Variants in PPP2R2B observed in about 807,000 individuals in gnomAD.
PPP2R2B encodes the protein serine/threonine-protein phosphatase 2A 55 kDa regulatory subunit B beta isoform.
A neutral mutation model predicts 46.0 loss-of-function variants in PPP2R2B; 5 were observed. The ratio of observed to expected loss-of-function variants is 0.11; its 90% confidence interval spans 0.06 to 0.23. PPP2R2B has a LOEUF of 0.23. PPP2R2B is among the 10% of genes least tolerant of loss of function. The pLI, the probability that PPP2R2B is intolerant of heterozygous loss-of-function variation, is 1.00. For missense variants in PPP2R2B, 367 were observed against 575.0 expected, an observed-to-expected ratio of 0.64 and a Z score of 3.70; for synonymous variants, 215 against 206.7, an observed-to-expected ratio of 1.04 and a Z score of -0.34.
chr5:147,073,006 T>C (rs6885877), intron 2 of PPP2R2B, among the ~76,000 whole-genome samples: 7,425 of 152,256 alleles, frequency 0.049, 320 homozygotes, highest in African/African-American at 0.11. Flanking sequence ...ACAATCACAC[T>C]GGATTGTCAT....
chr5:146,802,398 T>A (rs1188381258), intron 2 of PPP2R2B, among the ~76,000 whole-genome samples: 2 of 152,202 alleles, frequency 1.3e-5, no homozygotes, highest in African/African-American at 2.4e-5. Context: ...TTTGGAAATT[T>A]GAGTGCATAT....
chr5:146,772,383 CATAT>C (rs33981708), intron 2 of PPP2R2B, among the ~76,000 whole-genome samples: 639 of 132,816 alleles, frequency 4.8e-3, no homozygotes, highest in African/African-American at 5.9e-3. Flanking sequence ...ATAACTTGTG[CATAT>C]ATATATATAT....
Position 146,878,547 on chromosome 5 carries a change from C to G in PPP2R2B, c.-125+44G>C, listed in dbSNP as rs1057279871. ...GCGACAAAATGGTGCCTTTCTGGAC[C>G]CGAGCTGCAGTGGCGAGATGGCAGG... On this transcript the variant is annotated intron_variant, in intron 1 of 9. Coordinates refer to ENST00000394411, the MANE Select transcript of PPP2R2B (RefSeq NM_181675.4). This position sits in a 1 kb window ranked among gnomAD's most constrained non-coding sequence, Gnocchi z 4.5. 1 of 1,259,290 alleles carries G rather than the reference C, an allele frequency of 7.9e-7. No homozygotes were observed. Among genetic ancestry groups the G allele is most frequent in the Non-Finnish European group, 1.0e-6 (1 of 983,834 alleles). 78.0% of individuals were successfully genotyped at this position (1,259,290 alleles called of 1,614,324 possible). A position where few individuals can be genotyped will look rare whatever the true frequency, so the allele number is the denominator to read the frequency against.
intron 1 of PPP2R2B, among the ~76,000 whole-genome samples, chr5:147,047,843 C>G (rs957192605): frequency 6.6e-6 from 1 of 152,122 alleles, no homozygotes; most frequent in Non-Finnish European, 1.5e-5. Flanking sequence ...ACTTTTCTGC[C>G]AGATATCAGA....
In PPP2R2B at chr5:146,884,910, A is replaced by G. The variant is rs547398489; in HGVS notation, c.79+170755T>C. Among the ~76,000 whole-genome samples, 26 of 152,334 alleles carry G rather than the reference A, an allele frequency of 1.7e-4. No individual in the cohort carries two copies. In the South Asian group the frequency reaches 5.2e-3, roughly 30 times the overall value. ...CAAACCTTTAAAAAATATACCAAGA[A>G]ATACCACTTTACAGAATTTATTCTA... On this transcript the variant is annotated intron_variant, in intron 1 of 8. Coordinates refer to the PPP2R2B transcript ENST00000336640.
chr5:146,617,050 A>G (rs1281186493), intron 7 of PPP2R2B: 2 of 152,254 alleles, frequency 1.3e-5, no homozygotes, highest in African/African-American at 4.8e-5. Flanking sequence ...ATGAAAAAGA[A>G]TGAGATCCTG....
At chr5:147,064,139 T>C (rs1161040747) in intron 2 of PPP2R2B, among the ~76,000 whole-genome samples, 1 of 152,362 alleles carries the variant, frequency 6.6e-6, no homozygotes, top group African/African-American at 2.4e-5. Flanking sequence ...TCAAACTTCA[T>C]GCCTTTAAAC....
chr5:146,665,225 C>T (rs947521568), intron 5 of PPP2R2B, among the ~76,000 whole-genome samples: 1 of 152,212 alleles, frequency 6.6e-6, no homozygotes, highest in Non-Finnish European at 1.5e-5. Flanking sequence ...TAGATTGGAT[C>T]TTCTTCCAAC....
chr5:146,811,261 G>A (rs1240349152), intron 2 of PPP2R2B, among the ~76,000 whole-genome samples: 3 of 152,154 alleles, frequency 2.0e-5, no homozygotes, highest in African/African-American at 7.2e-5. Context: ...GCCTCTGAAA[G>A]TGCTGGGATT....
intron 1 of PPP2R2B, among the ~76,000 whole-genome samples, chr5:146,902,089 C>T (rs1762853332): frequency 6.6e-6 from 1 of 152,118 alleles, no homozygotes; most frequent in Non-Finnish European, 1.5e-5. Context: ...TTTGACTTAC[C>T]TAAAGACCTC....
At chr5:146,916,792 G>T (rs1202619302) in intron 1 of PPP2R2B, among the ~76,000 whole-genome samples, 2 of 152,164 alleles carry the variant, frequency 1.3e-5, no homozygotes, top group Non-Finnish European at 2.9e-5. Context: ...AAGAAAAAAA[G>T]TTGGGCACTG....
At chr5:146,946,736 T>C (rs1039163317) in intron 1 of PPP2R2B, among the ~76,000 whole-genome samples, 35 of 152,046 alleles carry the variant, frequency 2.3e-4, no homozygotes, top group Non-Finnish European at 4.1e-4. Flanking sequence ...AAATAAAACA[T>C]GGCTTCACTA....
chr5:146,874,986 T>A (rs1561978758), intron 2 of PPP2R2B, among the ~76,000 whole-genome samples: 1 of 152,178 alleles, frequency 6.6e-6, no homozygotes, highest in Non-Finnish European at 1.5e-5. Flanking sequence ...ATAAAACCAT[T>A]GCAATCTTTC....
intron 2 of PPP2R2B, among the ~76,000 whole-genome samples, chr5:146,811,354 G>A (rs939613927): frequency 1.3e-5 from 2 of 152,028 alleles, no homozygotes; most frequent in Non-Finnish European, 2.9e-5. Context: ...TCATCACTCC[G>A]CTGAAAGTGT....
intron 5 of PPP2R2B, among the ~76,000 whole-genome samples, chr5:146,665,956 C>A (rs756959085): frequency 6.6e-6 from 1 of 152,160 alleles, no homozygotes; most frequent in Non-Finnish European, 1.5e-5. Context: ...TTGCTACAAA[C>A]CTTTAACTTG....
At chr5:147,071,939 C>T (rs1757613049) in intron 2 of PPP2R2B, among the ~76,000 whole-genome samples, 1 of 152,186 alleles carries the variant, frequency 6.6e-6, no homozygotes, top group Non-Finnish European at 1.5e-5. Context: ...GAGCTGAAAG[C>T]ATCTTGAAAG....
rs1304050217 is a variant in PPP2R2B, at chr5:147,012,731, C to T, written c.79+42934G>A. On this transcript the variant is annotated intron_variant, in intron 1 of 8. Coordinates refer to the PPP2R2B transcript ENST00000336640. The stretch of plus-strand genomic sequence containing the variant: ...TGTGGGCATTTAGTGCTATAAATTT[C>T]CCTCTACACACTGCTTTGAATGCGT... Among the ~76,000 whole-genome samples, 42 of 151,734 alleles carry T rather than the reference C, an allele frequency of 2.8e-4. No homozygotes were observed. In the East Asian group the frequency reaches 7.4e-3, roughly 27 times the overall value.
intron 2 of PPP2R2B, among the ~76,000 whole-genome samples, chr5:146,836,940 T>C (rs1228999515): frequency 6.6e-6 from 1 of 152,256 alleles, no homozygotes; most frequent in Non-Finnish European, 1.5e-5. Context: ...ATCCATTCAT[T>C]TCTTCATTCA....
intron 1 of PPP2R2B, among the ~76,000 whole-genome samples, chr5:147,004,512 C>A (rs1561570337): frequency 6.6e-6 from 1 of 152,190 alleles, no homozygotes; most frequent in Non-Finnish European, 1.5e-5. Context: ...TCCGAGGAAT[C>A]CTGGGACAGC....
Sources: allele counts gnomAD v4.1 joint callset (sites outside exome capture counted in the v4.1 genomes callset), GRCh38; gene constraint gnomAD v4.1.1; non-coding constraint Gnocchi (gnomAD v3.1); transcripts MANE v1.5; gene names NCBI Gene and HGNC (gene_info 2026-07-23, HGNC 2026-07-21).